Variants in VWDE observed in about 807,000 individuals in gnomAD.
VWDE encodes von Willebrand factor D and EGF domains.
Under a neutral mutation model 178.4 loss-of-function variants are expected in VWDE, and 207 were observed. That is an observed-to-expected ratio of 1.16 (90% CI 1.04 to 1.30). VWDE has a LOEUF of 1.30. Among genes scored for constraint, VWDE ranks in the 50% most tolerant of loss-of-function variants. The probability of loss-of-function intolerance (pLI) is 0.00; values close to 1 mark genes in which losing one functional copy is unlikely to be tolerated. For synonymous variants in VWDE, 738 were observed against 651.4 expected, an observed-to-expected ratio of 1.13 and a Z score of -2.02; for missense variants, 2,287 against 1,901.3, an observed-to-expected ratio of 1.20 and a Z score of -3.77.
rs923135835 is a variant in VWDE at position 12,368,027 on chromosome 7, G to T, written c.2762-534C>A. Reference sequence around the variant, plus strand: ...CTAAGTGAATACAACTCTACTAGCAGTAGGGTAGAAAATCACGTGTATTCA... The same window carrying T: ...CTAAGTGAATACAACTCTACTAGCATTAGGGTAGAAAATCACGTGTATTCA... On this transcript the variant is annotated intron_variant, in intron 12 of 28. Transcript: ENST00000275358. Among the ~76,000 whole-genome samples, 4 of 151,854 alleles carry T rather than the reference G, an allele frequency of 2.6e-5. 1 individual carries two copies. The highest frequency in any genetic ancestry group is 5.9e-5 in the Non-Finnish European group (4 of 67,950).
intron 13 of VWDE, among the ~76,000 whole-genome samples, chr7:12,364,141 T>C (rs1782730793): frequency 1.3e-5 from 2 of 152,066 alleles, no homozygotes; most frequent in African/African-American, 4.8e-5. Flanking sequence ...CTTATGGCAC[T>C]GCACTGAAAT....
chr7:12,355,527 A>G (rs1041703925), intron 18 of VWDE, among the ~76,000 whole-genome samples: 4 of 152,150 alleles, frequency 2.6e-5, no homozygotes, highest in Non-Finnish European at 5.9e-5. Context: ...CATTAACTAT[A>G]TATTTACTTA....
At position 12,380,467 on chromosome 7, in the gene VWDE, C is replaced by A; in HGVS notation, c.789+19G>T. ...TCAATACATTCATGAAAATAAAATG[C>A]AACTGTTTTTTAACATACCCTGTCT... On this transcript the variant is annotated intron_variant, in intron 5 of 28. Transcript: ENST00000275358. 1.3e-6 allele frequency: 2 copies of A among 1,537,742 alleles called. No individual in the cohort carries two copies. The highest frequency in any genetic ancestry group is 1.4e-5 in the African/African-American group (1 of 72,230).
chr7:12,367,372 T>G lies in VWDE; in HGVS notation c.2883A>C (p.Glu961Asp), dbSNP rs865874012. 6 of 1,544,828 alleles carry G rather than the reference T, an allele frequency of 3.9e-6. No individual in the cohort carries two copies. Among genetic ancestry groups the G allele is most frequent in the Non-Finnish European group, 5.2e-6 (6 of 1,143,928 alleles). The change falls in exon 13 of 29, where the codon GAA becomes GAC. Residue 961 changes from glutamate (E) to aspartate (D), a missense_variant. Physicochemically the swap from Glu to Asp is conservative, Grantham distance 45 (BLOSUM62 2). Coordinates refer to ENST00000275358, the MANE Select transcript of VWDE (RefSeq NM_001135924.3). ...GFKELPSIKC[E>D]VTKLQYNSSE... ...ATTAACATACCTGTAGCTTAGTAAC[T>G]TCACATTTAATTGAAGGTAATTCTT...
intron 10 of VWDE, among the ~76,000 whole-genome samples, chr7:12,372,629 T>G (rs1783268287): frequency 6.6e-6 from 1 of 152,132 alleles, no homozygotes; most frequent in Non-Finnish European, 1.5e-5. Context: ...CTGTATTCAT[T>G]TCAAAAACTG....
intron 1 of VWDE, among the ~76,000 whole-genome samples, chr7:12,395,363 T>C (rs1462897186): frequency 6.6e-6 from 1 of 152,178 alleles, no homozygotes; most frequent in Non-Finnish European, 1.5e-5. Context: ...ATTATTAAAA[T>C]GTTTTCTCTG....
chr7:12,352,994 A>G (rs1363704016), intron 18 of VWDE, among the ~76,000 whole-genome samples: 2 of 152,152 alleles, frequency 1.3e-5, no homozygotes, highest in African/African-American at 2.4e-5. Flanking sequence ...CTGAGCTTAC[A>G]TGGATATTCC....
chr7:12,393,507 A>T, intron 2 of VWDE, 87 bp downstream of exon 2: 1 of 1,149,760 alleles, frequency 8.7e-7, no homozygotes. Flanking sequence ...TTTTAGCATG[A>T]GAAATAAGCT....
intron 12 of VWDE, among the ~76,000 whole-genome samples, chr7:12,368,601 A>G (rs753161588): frequency 6.6e-6 from 1 of 152,152 alleles, no homozygotes; most frequent in Non-Finnish European, 1.5e-5. Flanking sequence ...GGAACCTCAG[A>G]CTACCTAGGG....
At chr7:12,340,191 T>G in intron 24 of VWDE, 131 bp downstream of exon 24, 1 of 687,912 alleles carries the variant, frequency 1.5e-6, no homozygotes, top group South Asian at 2.1e-5. Context: ...GTGGGCATAC[T>G]TGAAACATCG....
At chr7:12,372,226 G>A (rs1357129914) in intron 10 of VWDE, among the ~76,000 whole-genome samples, 1 of 151,886 alleles carries the variant, frequency 6.6e-6, no homozygotes, top group Non-Finnish European at 1.5e-5. Context: ...ATACATTAGT[G>A]ATGCATGAGT....
chr7:12,378,031 A>C, intron 6 of VWDE, 111 bp from the exon 7 acceptor site: 1 of 801,664 alleles, frequency 1.2e-6, no homozygotes, highest in Non-Finnish European at 1.8e-6. Flanking sequence ...ATAATAACTT[A>C]AGCCCTAGAA....
intron 6 of VWDE, among the ~76,000 whole-genome samples, chr7:12,378,537 A>G (rs185825211): frequency 1.3e-4 from 20 of 152,244 alleles, no homozygotes; most frequent in Admixed American, 4.6e-4. Context: ...GCTAGCTCTC[A>G]AAACAGATGA....
intron 2 of VWDE, among the ~76,000 whole-genome samples, chr7:12,392,111 T>C (rs1784414436): frequency 1.3e-5 from 2 of 152,128 alleles, no homozygotes; most frequent in South Asian, 2.1e-4. Flanking sequence ...CTGAGAAAGA[T>C]TGTGATAAGG....
chr7:12,370,529 A>G lies in VWDE; in HGVS notation c.1797-20T>C. On this transcript the variant is annotated intron_variant, in intron 11 of 28. Transcript: ENST00000275358. Reference sequence around the variant, plus strand: ...AAAATCCTTCCAGATGGAAAACAGGAAAGAATAGTAATTTTGTACATAAAC... The same window carrying G: ...AAAATCCTTCCAGATGGAAAACAGGGAAGAATAGTAATTTTGTACATAAAC... 1 of 1,531,114 alleles carries G rather than the reference A, an allele frequency of 6.5e-7. No individual in the cohort carries two copies. The highest frequency in any genetic ancestry group is 8.8e-7 in the Non-Finnish European group (1 of 1,139,858). 94.8% of individuals were successfully genotyped at this position (1,531,114 alleles called of 1,614,324 possible).
intron 18 of VWDE, 88 bp from the exon 19 acceptor site, chr7:12,351,801 C>A: frequency 8.4e-7 from 1 of 1,193,750 alleles, no homozygotes; most frequent in East Asian, 2.7e-5. Flanking sequence ...ACAAACGCCA[C>A]TTGGATTAAA....
At chr7:12,346,196 G>A (rs1022604207) in intron 19 of VWDE, among the ~76,000 whole-genome samples, 1 of 152,046 alleles carries the variant, frequency 6.6e-6, no homozygotes, top group Non-Finnish European at 1.5e-5. Flanking sequence ...AAAAGTCAAA[G>A]TACAATAATT....
chr7:12,393,461 T>C, intron 2 of VWDE, 133 bp downstream of exon 2: 1 of 717,708 alleles, frequency 1.4e-6, no homozygotes, highest in Non-Finnish European at 2.2e-6. Flanking sequence ...GTGGGAATAG[T>C]CTTTCAGATT....
chr7:12,377,805 A>T lies in VWDE; in HGVS notation c.995T>A (p.Ile332Asn), dbSNP rs934348539. ...ACCAATAGTTTTCAGTTTTAATGAG[A>T]TTTTGCATTCTTGATCAAGCTCACT... ...EFSELDQECKISLKLKTIGQG... is the reference protein window; with the variant it reads ...EFSELDQECKNSLKLKTIGQG... Residue 332 changes from isoleucine (I) to asparagine (N), a missense_variant, in exon 7 of 29, where the codon ATC becomes AAC. By Grantham distance (149) the Ile-to-Asn change is moderately radical. Coordinates refer to ENST00000275358, the MANE Select transcript of VWDE (RefSeq NM_001135924.3). 105 of 1,515,680 alleles carry T rather than the reference A, an allele frequency of 6.9e-5. No individual in the cohort carries two copies. The highest frequency in any genetic ancestry group is 8.8e-5 in the Non-Finnish European group (99 of 1,126,030). 93.9% of individuals were successfully genotyped at this position (1,515,680 alleles called of 1,614,324 possible).
Sources: allele counts gnomAD v4.1 joint callset (sites outside exome capture counted in the v4.1 genomes callset), GRCh38; gene constraint gnomAD v4.1.1; transcripts MANE v1.5; gene names NCBI Gene and HGNC (gene_info 2026-07-23, HGNC 2026-07-21).